CCDC93: variants seen among roughly 807,000 people sequenced by gnomAD.
The protein encoded by CCDC93 is CCC complex scaffolding subunit CCDC93, also known as coiled-coil domain-containing protein 93.
In CCDC93, 61 loss-of-function variants were observed where a neutral mutation model predicts 108.2. The ratio of observed to expected loss-of-function variants is 0.56; its 90% CI spans 0.46 to 0.70. CCDC93 has a LOEUF of 0.70. CCDC93 is among the 30% of genes least tolerant of loss of function. The probability of loss-of-function intolerance (pLI) is 0.00; values close to 1 mark genes in which losing one functional copy is unlikely to be tolerated. For synonymous variants in CCDC93, 276 were observed against 260.4 expected, an observed-to-expected ratio of 1.06 and a Z score of -0.58; for missense variants, 685 against 764.2, an observed-to-expected ratio of 0.90 and a Z score of 1.22.
intron 22 of CCDC93, 189 bp from the exon 23 acceptor site, chr2:117,931,339 C>A: frequency 1.9e-6 from 1 of 522,104 alleles, no homozygotes; most frequent in Non-Finnish European, 3.4e-6. Flanking sequence ...ATTTATTCAG[C>A]AATTTTTCTA....
At chr2:117,942,862 C>G (rs1678746130) in intron 18 of CCDC93, among the ~76,000 whole-genome samples, 1 of 152,242 alleles carries the variant, frequency 6.6e-6, no homozygotes, top group African/African-American at 2.4e-5. Context: ...AAGCCCCAAA[C>G]AGATCTCATT....
chr2:117,925,988 G>A (rs1168976233), intron 23 of CCDC93, among the ~76,000 whole-genome samples: 1 of 152,134 alleles, frequency 6.6e-6, no homozygotes, highest in Non-Finnish European at 1.5e-5. Context: ...TCAACTACAT[G>A]GAAACTGAAC....
chr2:118,012,603 G>C (rs1045229257), intron 1 of CCDC93: 1 of 152,258 alleles, frequency 6.6e-6, no homozygotes, highest in Non-Finnish European at 1.5e-5. Context: ...AACTTGATGA[G>C]AGCCTAGAAT....
At position 117,972,766 on chromosome 2, in the gene CCDC93, C is replaced by A. The variant is rs143841601; in HGVS notation, c.888+1142G>T. ...GTTAATACTGTTTCCATAATTACATCTTCATTTGTACTTTTAGGATAACAA... is the reference window on the plus strand; with the variant it reads ...GTTAATACTGTTTCCATAATTACATATTCATTTGTACTTTTAGGATAACAA... On this transcript the variant is annotated intron_variant, in intron 11 of 23. Coordinates refer to ENST00000376300, the MANE Select transcript of CCDC93 (RefSeq NM_019044.5). 1.1e-3 allele frequency among the ~76,000 whole-genome samples: 165 copies of A among 152,284 alleles called. 2 individuals are homozygous for A. The highest frequency in any genetic ancestry group is 2.7e-3 in the Admixed American group (41 of 15,294).
chr2:117,929,728 C>T (rs776446058), intron 23 of CCDC93, among the ~76,000 whole-genome samples: 1 of 152,202 alleles, frequency 6.6e-6, no homozygotes, highest in Admixed American at 6.5e-5. Context: ...ACTGGCCCTT[C>T]TGGGACCTCA....
chr2:118,003,026 A>G lies in CCDC93; in HGVS notation c.252-2094T>C, dbSNP rs1676754742. Among the ~76,000 whole-genome samples the G allele has an allele frequency of 2.6e-5, 4 of 152,300 alleles. No individual in the cohort carries two copies. The South Asian group carries it at 8.3e-4, about 32-fold the overall frequency. On this transcript the variant is annotated intron_variant, in intron 3 of 23. Transcript: ENST00000376300. ...GCACCCTAGACCAGGCAAGAGTGGA[A>G]CTCTGTCTCTTAAAACAAAACAAAA...
At chr2:117,929,914 G>A (rs1486196298) in intron 23 of CCDC93, among the ~76,000 whole-genome samples, 1 of 152,194 alleles carries the variant, frequency 6.6e-6, no homozygotes, top group African/African-American at 2.4e-5. Context: ...GGCAAAGTCT[G>A]GAATTGTTAC....
At chr2:117,952,338 A>C in intron 13 of CCDC93, 35 bp downstream of exon 13, 21 of 1,374,310 alleles carry the variant, frequency 1.5e-5, no homozygotes, top group Non-Finnish European at 2.2e-5. Context: ...ATTCTTGACA[A>C]GGGCCCACAG....
intron 6 of CCDC93, among the ~76,000 whole-genome samples, chr2:117,990,224 G>C (rs1680436269): frequency 6.6e-6 from 1 of 152,216 alleles, no homozygotes; most frequent in African/African-American, 2.4e-5. Context: ...ACATGAGACA[G>C]AGGAGCTGAT....
intron 7 of CCDC93, among the ~76,000 whole-genome samples, chr2:117,984,168 C>T (rs976214651): frequency 1.1e-4 from 17 of 152,124 alleles, no homozygotes; most frequent in Non-Finnish European, 2.2e-4. Flanking sequence ...TTACCCTCTC[C>T]TTGCCAAAAA....
intron 11 of CCDC93, among the ~76,000 whole-genome samples, chr2:117,969,129 G>A (rs1679680150): frequency 6.6e-6 from 1 of 152,226 alleles, no homozygotes; most frequent in South Asian, 2.1e-4. Flanking sequence ...AGAAAAGGCA[G>A]TCTTTTGATT....
intron 13 of CCDC93, chr2:117,950,026 G>T: frequency 1.0e-6 from 1 of 985,432 alleles, no homozygotes; most frequent in East Asian, 1.1e-4. Context: ...CAGAGGCAGG[G>T]CGGGGTCCCA....
At chr2:117,972,298 T>C (rs370709608) in intron 11 of CCDC93, among the ~76,000 whole-genome samples, 110 of 152,058 alleles carry the variant, frequency 7.2e-4, no homozygotes, top group African/African-American at 2.5e-3. Context: ...GGAATGGAGG[T>C]AGAGAATGGT....
chr2:117,944,034 C>T lies in CCDC93; in HGVS notation c.1403G>A (p.Arg468His), dbSNP rs1467105888. ...CCTTCTTTTACTCACCTGTAGTAAA[C>T]GTATCTTGTAAAGTTTCTCTTTCTC... is the stretch of plus-strand genomic sequence containing the variant. ...NMEKEKLYKI[R>H]LLQARRNREI... is the part of the protein sequence containing the mutation. The change falls in exon 18 of 24, where the codon CGT becomes CAT. Residue 468 changes from arginine to histidine, a missense_variant. Coordinates refer to ENST00000376300, the MANE Select transcript of CCDC93 (RefSeq NM_019044.5). 6.2e-6 allele frequency: 10 copies of T among 1,603,710 alleles called. No individual in the cohort carries two copies. The highest frequency in any genetic ancestry group is 1.1e-5 in the South Asian group (1 of 88,264).
intron 19 of CCDC93, among the ~76,000 whole-genome samples, chr2:117,940,364 C>T (rs904156400): frequency 4.6e-5 from 7 of 152,068 alleles, no homozygotes; most frequent in African/African-American, 9.7e-5. Context: ...GAAAAAGGAT[C>T]CAGGCACCAG....
At chr2:117,931,394 T>C in intron 22 of CCDC93, 1 of 379,370 alleles carries the variant, frequency 2.6e-6, no homozygotes, top group Non-Finnish European at 4.8e-6. Flanking sequence ...CACTACAATT[T>C]CACAATGGAC....
At chr2:117,984,795 A>AC (rs139539159) in intron 7 of CCDC93, among the ~76,000 whole-genome samples, 78 of 152,200 alleles carry the variant, frequency 5.1e-4, no homozygotes, top group African/African-American at 1.7e-3. Flanking sequence ...CTGCTCACTT[A>AC]CAGCTGGGCA....
Position 118,000,886 on chromosome 2 carries a change from G to A in CCDC93, c.298C>T (p.Pro100Ser). ...IVSVLPRMKC[P>S]HQLEPHQIQG... ...ATCTGGTGGGGCTCCAGCTGGTGTG[G>A]GCATTTCATCCTTGGCAGGACCGAG... Residue 100 changes from proline (P) to serine (S), a missense_variant, in exon 4 of 24, where the codon CCA becomes TCA. Transcript: ENST00000376300. 2.5e-6 allele frequency: 4 copies of A among 1,613,734 alleles called. No individual in the cohort carries two copies. Among genetic ancestry groups the A allele is most frequent in the Non-Finnish European group, 3.4e-6 (4 of 1,179,772 alleles).
chr2:117,988,879 A>G (rs939511740), intron 6 of CCDC93, among the ~76,000 whole-genome samples: 1 of 152,202 alleles, frequency 6.6e-6, no homozygotes. Flanking sequence ...CTGCTATGTA[A>G]GTATACATCT....
Sources: gnomAD v4.1 joint callset for allele counts (sites outside exome capture counted in the v4.1 genomes callset) on GRCh38, gnomAD v4.1.1 for gene constraint, MANE v1.5 for transcripts, NCBI Gene and HGNC (gene_info 2026-07-23, HGNC 2026-07-21) for gene names.